Variants in LINGO2 observed in about 807,000 individuals in gnomAD.
LINGO2 encodes leucine-rich repeat and immunoglobulin-like domain-containing nogo receptor-interacting protein 2.
Under a neutral mutation model 30.6 loss-of-function variants are expected in LINGO2, and 14 were observed. The observed-to-expected ratio is 0.46, with a 90% confidence interval of 0.30 to 0.72. The LOEUF is 0.72. LINGO2 is among the 30% of genes least tolerant of loss of function. The pLI is 0.07. For missense variants in LINGO2, 729 were observed against 751.7 expected, an observed-to-expected ratio of 0.97 and a Z score of 0.35; for synonymous variants, 317 against 288.5, an observed-to-expected ratio of 1.10 and a Z score of -1.00.
At chr9:27,971,735 G>A (rs1477950927) in intron 5 of LINGO2, among the ~76,000 whole-genome samples, 1 of 152,040 alleles carries the variant, frequency 6.6e-6, no homozygotes, top group Non-Finnish European at 1.5e-5. Flanking sequence ...AAAATCATTA[G>A]CCCTTTAATC....
Position 28,194,842 on chromosome 9 carries a change from G to A in LINGO2, c.-87+100366C>T, listed in dbSNP as rs149148761. ...ACAGACAAGAAAAAGACTTTCTTAC[G>A]ATGAAGGTGCAATGTACAAAGATCT... On this transcript the variant is annotated intron_variant, in intron 4 of 5. Coordinates refer to ENST00000379992, the Ensembl canonical transcript of LINGO2. Among the ~76,000 whole-genome samples the A allele has an allele frequency of 5.1e-3, 782 of 151,980 alleles. 6 individuals carry two copies. The highest frequency in any genetic ancestry group is 0.018 in the African/African-American group (749 of 41,516).
At chr9:28,986,617 A>G in the LINGO2 span, among the ~76,000 whole-genome samples, 1 of 152,010 alleles carries the variant, frequency 6.6e-6, no homozygotes, top group Non-Finnish European at 1.5e-5. Flanking sequence ...TCCTAAGAAC[A>G]GATGTTCTTC....
the LINGO2 span, among the ~76,000 whole-genome samples, chr9:28,854,701 G>T: frequency 6.6e-6 from 1 of 151,926 alleles, no homozygotes; most frequent in Non-Finnish European, 1.5e-5. Context: ...GTTTTGGGCA[G>T]TCAAAATTCA....
chr9:28,543,018 A>G (rs1192511798), intron 1 of LINGO2, among the ~76,000 whole-genome samples: 1 of 152,246 alleles, frequency 6.6e-6, no homozygotes, highest in East Asian at 1.9e-4. Flanking sequence ...TTCAGTGACA[A>G]ATATGGTAAA....
At chr9:28,350,318 A>T (rs1819807271) in intron 3 of LINGO2, among the ~76,000 whole-genome samples, 1 of 143,766 alleles carries the variant, frequency 7.0e-6, no homozygotes, top group Non-Finnish European at 1.5e-5. Flanking sequence ...TACCAAGCCA[A>T]TGGAAAACAA....
At chr9:28,045,901 A>G (rs1043935067) in intron 4 of LINGO2, among the ~76,000 whole-genome samples, 2 of 152,272 alleles carry the variant, frequency 1.3e-5, no homozygotes, top group Admixed American at 1.3e-4. Context: ...CCTCCTGAGG[A>G]TTTCAATTCA....
intron 3 of LINGO2, among the ~76,000 whole-genome samples, chr9:28,351,116 A>G (rs1219123507): frequency 5.3e-5 from 8 of 151,594 alleles, no homozygotes; most frequent in Non-Finnish European, 1.0e-4. Flanking sequence ...AAACACATTC[A>G]AAAGCTAGCA....
At chr9:28,388,717 G>A (rs1038945173) in intron 2 of LINGO2, among the ~76,000 whole-genome samples, 15 of 151,912 alleles carry the variant, frequency 9.9e-5, no homozygotes, top group African/African-American at 3.6e-4. Context: ...TGTATTTTGT[G>A]GTTTTTGACT....
At chr9:28,224,104 G>C (rs917945877) in intron 4 of LINGO2, among the ~76,000 whole-genome samples, 1 of 152,074 alleles carries the variant, frequency 6.6e-6, no homozygotes, top group Non-Finnish European at 1.5e-5. Context: ...TCACTCTGTA[G>C]CCCAGGCTGG....
the LINGO2 span, among the ~76,000 whole-genome samples, chr9:28,695,377 C>T: frequency 6.6e-6 from 1 of 151,844 alleles, no homozygotes; most frequent in Non-Finnish European, 1.5e-5. Flanking sequence ...AATAGGTACT[C>T]ATATGCATTC....
intron 4 of LINGO2, among the ~76,000 whole-genome samples, chr9:28,195,488 T>C (rs925095377): frequency 6.6e-6 from 1 of 150,878 alleles, no homozygotes; most frequent in African/African-American, 2.4e-5. Context: ...AAAGATGCTT[T>C]TTCACTCTGA....
At chr9:28,245,715 A>G (rs1821972609) in intron 4 of LINGO2, among the ~76,000 whole-genome samples, 1 of 150,886 alleles carries the variant, frequency 6.6e-6, no homozygotes, top group Non-Finnish European at 1.5e-5. Context: ...AGAATAAAAT[A>G]CCTAGGAATA....
intron 2 of LINGO2, among the ~76,000 whole-genome samples, chr9:28,470,340 G>A (rs1825471330): frequency 6.6e-6 from 1 of 152,162 alleles, no homozygotes; most frequent in Non-Finnish European, 1.5e-5. Flanking sequence ...AATACCATAA[G>A]ACAACATAGT....
chr9:29,201,287 T>A, the LINGO2 span, among the ~76,000 whole-genome samples: 2 of 152,096 alleles, frequency 1.3e-5, no homozygotes, highest in Admixed American at 1.3e-4. Flanking sequence ...CATGAACGCA[T>A]GGATATTTTA....
chr9:28,829,074 C>T, the LINGO2 span, among the ~76,000 whole-genome samples: 2 of 152,152 alleles, frequency 1.3e-5, no homozygotes, highest in African/African-American at 4.8e-5. Flanking sequence ...TAAAAACCCC[C>T]AGGACCAGAC....
At chr9:28,920,226 C>T in the LINGO2 span, among the ~76,000 whole-genome samples, 1 of 151,930 alleles carries the variant, frequency 6.6e-6, no homozygotes, top group Non-Finnish European at 1.5e-5. Flanking sequence ...TCTTAATGCA[C>T]CTGATGAAGT....
At chr9:28,701,441 C>T in the LINGO2 span, among the ~76,000 whole-genome samples, 1 of 151,828 alleles carries the variant, frequency 6.6e-6, no homozygotes, top group Non-Finnish European at 1.5e-5. Flanking sequence ...GTCTTTGCGC[C>T]TTAGTAAAAG....
the LINGO2 span, among the ~76,000 whole-genome samples, chr9:28,844,384 G>T: frequency 6.6e-6 from 1 of 151,608 alleles, no homozygotes; most frequent in Non-Finnish European, 1.5e-5. Context: ...AAACAAAAAC[G>T]AAAAAGAAGA....
At position 28,589,860 on chromosome 9, in the gene LINGO2, A is replaced by C. The variant is rs1441467072; in HGVS notation, c.-365+80340T>G. On this transcript the variant is annotated intron_variant, in intron 1 of 5. Transcript: ENST00000379992. ...CATTGCCAAGACAATCCTAAGCCAA[A>C]AAAGAAAAAAGCTGGAGGCATCACA... 3.3e-5 allele frequency among the ~76,000 whole-genome samples: 5 copies of C among 152,260 alleles called. No homozygotes were observed. In the East Asian group the frequency reaches 7.7e-4, roughly 24 times the overall value.
Sources: allele counts gnomAD v4.1 joint callset (sites outside exome capture counted in the v4.1 genomes callset), GRCh38; gene constraint gnomAD v4.1.1; transcripts MANE v1.5; gene names NCBI Gene and HGNC (gene_info 2026-07-23, HGNC 2026-07-21).